Variants in SCOC observed in about 807,000 individuals in gnomAD.
The protein encoded by SCOC is short coiled-coil protein, also known as short coiled coil protein.
A neutral mutation model predicts 9.9 loss-of-function variants in SCOC; 7 were observed. The observed-to-expected ratio is 0.71, with a 90% CI of 0.40 to 1.33. The LOEUF (loss-of-function observed/expected upper bound fraction) is 1.33, where lower values mean the gene tolerates loss of function less well. Among genes scored for constraint, SCOC ranks in the 40% most tolerant of loss-of-function variants. The pLI is 0.01. For synonymous variants in SCOC, 19 were observed against 28.2 expected, an observed-to-expected ratio of 0.67 and a Z score of 1.03; for missense variants, 66 against 89.7, an observed-to-expected ratio of 0.74 and a Z score of 1.07.
intron 1 of SCOC, among the ~76,000 whole-genome samples, chr4:140,305,754 G>A (rs926015558): frequency 2.0e-5 from 3 of 152,132 alleles, no homozygotes; most frequent in African/African-American, 4.8e-5. Context: ...CACGAATCAC[G>A]GATGCCAGCA....
At chr4:140,378,820 T>C (rs1233485497) in intron 1 of SCOC, among the ~76,000 whole-genome samples, 2 of 152,146 alleles carry the variant, frequency 1.3e-5, no homozygotes, top group African/African-American at 4.8e-5. Flanking sequence ...ATATTTAAAA[T>C]TTGTGTCCAG....
In SCOC at chr4:140,300,105, T is replaced by C. The variant is rs538652705; in HGVS notation, c.-19+42695T>C. ...GGGAGCTGGGAAATCTCATTGGCTG[T>C]GGGTCCCGGAGACAAAGGCCGCAGG... is the stretch of plus-strand genomic sequence containing the variant. On this transcript the variant is annotated intron_variant, in intron 1 of 4. Transcript: ENST00000394205. Among the ~76,000 whole-genome samples the C allele has an allele frequency of 2.9e-3, 439 of 152,326 alleles. 2 individuals carry two copies. Among genetic ancestry groups the C allele is most frequent in the Non-Finnish European group, 5.3e-3 (363 of 68,026 alleles).
At chr4:140,343,863 C>A (rs1001526297) in intron 2 of SCOC, among the ~76,000 whole-genome samples, 1 of 152,050 alleles carries the variant, frequency 6.6e-6, no homozygotes, top group Non-Finnish European at 1.5e-5. Flanking sequence ...TAATTAAGAG[C>A]TGTTTTTCTT....
chr4:140,362,299 CTT>C (rs1183789218), intron 2 of SCOC, among the ~76,000 whole-genome samples: 13 of 38,364 alleles, frequency 3.4e-4, no homozygotes, highest in African/African-American at 7.5e-4. Flanking sequence ...TCTTCTTCTT[CTT>C]TTTTTTTTTT....
chr4:140,314,750 G>A (rs1732261631), intron 1 of SCOC, among the ~76,000 whole-genome samples: 1 of 152,198 alleles, frequency 6.6e-6, no homozygotes, highest in South Asian at 2.1e-4. Flanking sequence ...GAGGTGCTAA[G>A]TGGAGACACT....
intron 1 of SCOC, among the ~76,000 whole-genome samples, chr4:140,330,905 A>G (rs1382511767): frequency 6.6e-6 from 1 of 152,248 alleles, no homozygotes; most frequent in Non-Finnish European, 1.5e-5. Context: ...TTGGGATGAA[A>G]AAAACAGTTT....
chr4:140,316,511 G>A (rs188913386), intron 1 of SCOC, among the ~76,000 whole-genome samples: 2 of 152,278 alleles, frequency 1.3e-5, no homozygotes, highest in Admixed American at 6.5e-5. Context: ...GTCAAACTGT[G>A]TCTTTGTTTT....
Position 140,381,011 on chromosome 4 carries a change from A to C in SCOC, c.156A>C (p.Lys52Asn). Reference protein sequence around the residue: ...DAVKEENLKLKSENQVLGQYI... With the variant: ...DAVKEENLKLNSENQVLGQYI... ...TTAAGGAAGAAAATCTGAAGCTAAA[A>C]TCAGAAAACCAAGTTCTTGGACAAT... Residue 52 changes from lysine to asparagine, a missense_variant, in exon 4 of 4, where the codon AAA (lysine) becomes AAC (asparagine). Physicochemically the swap from Lys to Asn is moderately conservative, Grantham distance 94. Coordinates refer to ENST00000608372, the MANE Select transcript of SCOC (RefSeq NM_001153484.2). The C allele has an allele frequency of 6.2e-7, 1 of 1,605,920 alleles. No homozygotes were observed. The highest frequency in any genetic ancestry group is 2.2e-5 in the East Asian group (1 of 44,566).
chr4:140,258,136 C>T (rs1037232615), intron 1 of SCOC, among the ~76,000 whole-genome samples: 2 of 152,206 alleles, frequency 1.3e-5, no homozygotes, highest in Non-Finnish European at 2.9e-5. Flanking sequence ...GTGCTCTTTC[C>T]ACCCTCCGCC....
intron 2 of SCOC, among the ~76,000 whole-genome samples, chr4:140,352,733 C>T (rs967514879): frequency 2.4e-4 from 36 of 152,106 alleles, no homozygotes; most frequent in African/African-American, 8.5e-4. Flanking sequence ...AAGGATAAGT[C>T]GTAATATTTT....
At chr4:140,359,919 A>G (rs1219302795) in intron 2 of SCOC, among the ~76,000 whole-genome samples, 1 of 152,176 alleles carries the variant, frequency 6.6e-6, no homozygotes, top group African/African-American at 2.4e-5. Context: ...TTTTTTCTTT[A>G]GTCGCTTGGG....
intron 1 of SCOC, among the ~76,000 whole-genome samples, chr4:140,280,606 C>T (rs902230898): frequency 1.3e-5 from 2 of 152,158 alleles, no homozygotes; most frequent in African/African-American, 2.4e-5. Flanking sequence ...ACTTGGTATG[C>T]GTCTAGAATA....
intron 1 of SCOC, among the ~76,000 whole-genome samples, chr4:140,289,917 C>T (rs1731417444): frequency 6.6e-6 from 1 of 152,218 alleles, no homozygotes; most frequent in Non-Finnish European, 1.5e-5. Flanking sequence ...AAGTAACACC[C>T]ATTACTTTTA....
intron 1 of SCOC, among the ~76,000 whole-genome samples, chr4:140,325,223 T>C (rs181491386): frequency 6.6e-6 from 1 of 151,946 alleles, no homozygotes; most frequent in Non-Finnish European, 1.5e-5. Context: ...AAAGAAAACA[T>C]AGAAAATTTG....
intron 1 of SCOC, among the ~76,000 whole-genome samples, chr4:140,330,335 G>A (rs1384753927): frequency 1.3e-5 from 2 of 152,148 alleles, no homozygotes; most frequent in African/African-American, 4.8e-5. Context: ...CGGCTGGGGT[G>A]CTGGGTGCAC....
At chr4:140,343,780 A>T in intron 2 of SCOC, 1 of 1,081,954 alleles carries the variant, frequency 9.2e-7, no homozygotes, top group African/African-American at 1.6e-5. Flanking sequence ...TATAACTTTT[A>T]TTATTTTCAG....
chr4:140,261,110 T>C (rs1047508380), intron 1 of SCOC, among the ~76,000 whole-genome samples: 4 of 152,196 alleles, frequency 2.6e-5, no homozygotes, highest in Non-Finnish European at 5.9e-5. Flanking sequence ...AAGCTCATAG[T>C]TTAGTGGGAA....
At chr4:140,288,383 C>T (rs925388966) in intron 1 of SCOC, among the ~76,000 whole-genome samples, 76 of 152,144 alleles carry the variant, frequency 5.0e-4, no homozygotes, top group African/African-American at 1.8e-3. Context: ...CACTTGTATA[C>T]ACATGCAAAC....
At chr4:140,341,948 G>GTCTTC (rs1726533786), upstream of SCOC, among the ~76,000 whole-genome samples, 1 of 152,084 alleles carries the variant, frequency 6.6e-6, no homozygotes, top group South Asian at 2.1e-4. Context: ...ATTCCACTTT[G>GTCTTC]TCTTCACTTC....
Sources: gnomAD v4.1 joint callset for allele counts (sites outside exome capture counted in the v4.1 genomes callset) on GRCh38, gnomAD v4.1.1 for gene constraint, MANE v1.5 for transcripts, NCBI Gene and HGNC (gene_info 2026-07-23, HGNC 2026-07-21) for gene names.